The following ZNF839 variants were observed in gnomAD, a reference collection of about 807,000 sequenced individuals.
ZNF839 encodes the protein renal carcinoma antigen NY-REN-50.
ZNF839 carries 38 observed loss-of-function variants against 56.4 expected under a neutral mutation model. The ratio of observed to expected loss-of-function variants is 0.67; its 90% confidence interval spans 0.52 to 0.88. The LOEUF (loss-of-function observed/expected upper bound fraction) is 0.88, where lower values mean the gene tolerates loss of function less well. Ranked by LOEUF, ZNF839 falls within the 40% of genes least tolerant of loss-of-function variation. The probability of loss-of-function intolerance (pLI) is 0.00; values close to 1 mark genes in which losing one functional copy is unlikely to be tolerated. For synonymous variants in ZNF839, 486 were observed against 493.5 expected, an observed-to-expected ratio of 0.98 and a Z score of 0.20; for missense variants, 1,091 against 1,177.6, an observed-to-expected ratio of 0.93 and a Z score of 1.08.
chr14:102,334,791 A>G (rs2073944675), intron 4 of ZNF839, 145 bp downstream of exon 4: 2 of 348,706 alleles, frequency 5.7e-6, no homozygotes, highest in Non-Finnish European at 4.9e-6. Flanking sequence ...TCGCCCAGCT[A>G]GAGTGCAGTG....
chr14:102,328,371 AAAAAATATATATATATATATATATAT>A (rs1295882962), intron 2 of ZNF839, among the ~76,000 whole-genome samples: 6 of 30,692 alleles, frequency 2.0e-4, no homozygotes, highest in Non-Finnish European at 2.5e-4. Context: ...AAAAAAAAAA[AAAAAATATATATATATATATATATAT>A]ATATATATAT....
chr14:102,324,198 G>T lies in ZNF839; in HGVS notation c.289-1787G>T, dbSNP rs76870799. On this transcript the variant is annotated intron_variant, in intron 1 of 7. Coordinates refer to ENST00000442396, the MANE Select transcript of ZNF839 (RefSeq NM_018335.6). ...ATTAAAAACTTTTTAAAAAACATGG[G>T]CCCACATTATGAATTACGTCTGCTT... Among the ~76,000 whole-genome samples the T allele has an allele frequency of 3.4e-3, 515 of 152,128 alleles. 8 individuals carry two copies. Among genetic ancestry groups the T allele is most frequent in the East Asian group, 0.033 (173 of 5,174 alleles).
At position 102,342,175 on chromosome 14, in the gene ZNF839, G is replaced by A. The variant is rs373342974; in HGVS notation, c.2780G>A (p.Arg927His). ...GAGGGGCGTGCCTGCGGATGGGCCCGCTAGAAGGAGTTCCTCTAGAAGCTG... is the reference window on the plus strand; with the variant it reads ...GAGGGGCGTGCCTGCGGATGGGCCCACTAGAAGGAGTTCCTCTAGAAGCTG... ...DAEGRACGWA[R>H] Residue 927 changes from arginine to histidine, a missense_variant, in exon 8 of 8, where the codon CGC (arginine) becomes CAC (histidine). Physicochemically the swap from Arg to His is conservative, Grantham distance 29 (BLOSUM62 0). Around this residue, in one of 3 missense-constraint regions of ZNF839, gnomAD observed 431 missense variants for 468.0 expected, o/e 0.92. Coordinates refer to ENST00000442396, the MANE Select transcript of ZNF839 (RefSeq NM_018335.6). 2.9e-5 allele frequency: 46 copies of A among 1,602,124 alleles called. No individual in the cohort carries two copies. In the East Asian group the frequency reaches 3.1e-4, roughly 11 times the overall value.
At chr14:102,336,850 A>C in intron 5 of ZNF839, 1 of 230,630 alleles carries the variant, frequency 4.3e-6, no homozygotes, top group South Asian at 4.5e-5. Context: ...CCTCCCACAT[A>C]AGCCTCCTGA....
chr14:102,319,469 G>A (rs2073001392), upstream of ZNF839: 1 of 268,178 alleles, frequency 3.7e-6, no homozygotes, highest in Non-Finnish European at 7.0e-6. The surrounding 1 kb of genome is among the most constrained non-coding windows in gnomAD (Gnocchi z 4.5). Flanking sequence ...CAGGGGCTCT[G>A]AAACCCCGAA....
In ZNF839 at chr14:102,326,705, G is replaced by A. The variant is rs376706697; in HGVS notation, c.1009G>A (p.Gly337Ser). 2 of 1,612,598 alleles carry A rather than the reference G, an allele frequency of 1.2e-6. No individual in the cohort carries two copies. The highest frequency in any genetic ancestry group is 1.7e-6 in the Non-Finnish European group (2 of 1,179,464). The change falls in exon 2 of 8, where the codon GGC becomes AGC. Residue 337 changes from glycine (G) to serine (S), a missense_variant. By Grantham distance (56) the Gly-to-Ser change is moderately conservative. Around this residue, in one of 3 missense-constraint regions of ZNF839, gnomAD observed 614 missense variants for 629.2 expected, o/e 0.98. Transcript: ENST00000442396. The surrounding 1 kb of genome is among the most constrained non-coding windows in gnomAD (Gnocchi z 4.3). ...GGCCCGACATTTTAAACTTAACCCA[G>A]GCCACGGCCAGTTGGACCCCGAGAT... ...GLARHFKLNP[G>S]HGQLDPEMVL...
intron 3 of ZNF839, among the ~76,000 whole-genome samples, 176 bp from the exon 4 acceptor site, chr14:102,334,378 A>G (rs2073924567): frequency 6.6e-6 from 1 of 152,230 alleles, no homozygotes; most frequent in African/African-American, 2.4e-5. Flanking sequence ...GGATCATAGT[A>G]CTTCATTAAG....
chr14:102,327,406 G>A (rs2073475081), intron 2 of ZNF839, among the ~76,000 whole-genome samples: 1 of 152,254 alleles, frequency 6.6e-6, no homozygotes, highest in Admixed American at 6.5e-5. Flanking sequence ...CTCCCAAAAT[G>A]CTGAGAGTAC....
chr14:102,330,932 C>T (rs1337048266), intron 2 of ZNF839, among the ~76,000 whole-genome samples: 1 of 152,116 alleles, frequency 6.6e-6, no homozygotes, highest in African/African-American at 2.4e-5. Flanking sequence ...CTTCAAAAGC[C>T]ATGCAGATGC....
In ZNF839 at chr14:102,332,936, A is replaced by C. The variant is rs953166948; in HGVS notation, c.1416+1090A>C. On this transcript the variant is annotated intron_variant, in intron 3 of 7. Transcript: ENST00000442396. This position sits in a 1 kb window ranked among gnomAD's most constrained non-coding sequence, Gnocchi z 4.9. ...AAAAACAAAAACAAAAACAAAAAAA[A>C]CTGTCAGTTGAACCTAAGTGTTAAG... 3.9e-5 allele frequency among the ~76,000 whole-genome samples: 6 copies of C among 152,216 alleles called. No homozygotes were observed. The highest frequency in any genetic ancestry group is 8.8e-5 in the Non-Finnish European group (6 of 68,016).
At chr14:102,329,557 G>T (rs916293406) in intron 2 of ZNF839, among the ~76,000 whole-genome samples, 1 of 151,572 alleles carries the variant, frequency 6.6e-6, no homozygotes, top group African/African-American at 2.4e-5. Context: ...GCTAATTTTT[G>T]TACTTTTAGT....
At chr14:102,329,557 G>A (rs916293406) in intron 2 of ZNF839, among the ~76,000 whole-genome samples, 1 of 151,572 alleles carries the variant, frequency 6.6e-6, no homozygotes, top group African/African-American at 2.4e-5. Flanking sequence ...GCTAATTTTT[G>A]TACTTTTAGT....
rs755093076 is a variant in ZNF839 at position 102,326,714 on chromosome 14, C to A, written c.1018C>A (p.Gln340Lys). ...RHFKLNPGHG[Q>K]LDPEMVLSEK... ...TTTTAAACTTAACCCAGGCCACGGC[C>A]AGTTGGACCCCGAGATGGTGCTGTC... The change falls in exon 2 of 8, where the codon CAG (glutamine) becomes AAG (lysine). Residue 340 changes from glutamine to lysine, a missense_variant. Around this residue, in one of 3 missense-constraint regions of ZNF839, gnomAD observed 614 missense variants for 629.2 expected, o/e 0.98. Transcript: ENST00000442396. This position sits in a 1 kb window ranked among gnomAD's most constrained non-coding sequence, Gnocchi z 4.3. The A allele has an allele frequency of 8.7e-6, 14 of 1,612,858 alleles. No individual in the cohort carries two copies. The Admixed American group carries it at 2.2e-4, about 25-fold the overall frequency.
At chr14:102,337,519 C>G (rs1885917560) in intron 5 of ZNF839, 1 of 152,112 alleles carries the variant, frequency 6.6e-6, no homozygotes, top group Admixed American at 6.6e-5. Flanking sequence ...TTTGCTAAGC[C>G]TCATGTAGAT....
intron 3 of ZNF839, among the ~76,000 whole-genome samples, chr14:102,333,962 C>T (rs1225835568): frequency 6.6e-6 from 1 of 152,186 alleles, no homozygotes; most frequent in Non-Finnish European, 1.5e-5. Context: ...GGGCTATGCT[C>T]TCCCCTCATC....
rs1886622851 is a variant in ZNF839, at chr14:102,342,236, CAGTGA to C, written c.*62_*66del. ...CGTCACCGTGGAGCCAGAGCCCTCA[CAGTGA>C]AGTGGAGTCAGATCCTAGATTCGTC... is the stretch of plus-strand genomic sequence containing the variant. On this transcript the variant is annotated 3_prime_UTR_variant, in exon 8 of 8. Coordinates refer to ENST00000442396, the MANE Select transcript of ZNF839 (RefSeq NM_018335.6). 7 of 1,540,680 alleles carry C rather than the reference CAGTGA, an allele frequency of 4.5e-6. No homozygotes were observed. The highest frequency in any genetic ancestry group is 2.0e-5 in the Admixed American group (1 of 50,324).
chr14:102,320,202 G>A (rs749520111), intron 1 of ZNF839, 149 bp downstream of exon 1: 1 of 1,031,500 alleles, frequency 9.7e-7, no homozygotes, highest in Non-Finnish European at 1.2e-6. Context: ...ACGGCGTTCG[G>A]CCCCCACCTG....
At chr14:102,335,628 T>C in intron 4 of ZNF839, 61 bp from the exon 5 acceptor site, 1 of 1,496,426 alleles carries the variant, frequency 6.7e-7, no homozygotes. Flanking sequence ...GATTTTCTTC[T>C]GTATTTTCCA....
At chr14:102,318,612 G>C (rs1228876938), upstream of ZNF839, among the ~76,000 whole-genome samples, 2 of 149,524 alleles carry the variant, frequency 1.3e-5, no homozygotes, top group Non-Finnish European at 2.9e-5. Flanking sequence ...CAGCCTGGGT[G>C]ACAGAGTGAG....
Sources: gnomAD v4.1 joint callset for allele counts (sites outside exome capture counted in the v4.1 genomes callset) on GRCh38, gnomAD v4.1.1 for gene constraint, gnomAD v4.1.1 regional missense constraint, Gnocchi (gnomAD v3.1) non-coding constraint, MANE v1.5 for transcripts, NCBI Gene and HGNC (gene_info 2026-07-23, HGNC 2026-07-21) for gene names.